Variants in WWC1 observed in about 807,000 individuals in gnomAD.
WWC1 encodes WW and C2 domain containing 1, also known as protein KIBRA.
Under a neutral mutation model 138.4 loss-of-function variants are expected in WWC1, and 55 were observed. The ratio of observed to expected loss-of-function variants is 0.40; its 90% CI spans 0.32 to 0.50. WWC1 has a LOEUF of 0.50. WWC1 is among the 20% of genes least tolerant of loss of function. The pLI is 0.72. For synonymous variants in WWC1, 524 were observed against 564.9 expected (o/e 0.93, Z 1.03); for missense variants, 1,226 against 1,420.4 (o/e 0.86, Z 2.20).
intron 21 of WWC1, 191 bp from the exon 22 acceptor site, chr5:168,467,649 C>G (rs1329100295): frequency 8.7e-6 from 7 of 802,550 alleles, no homozygotes; most frequent in Non-Finnish European, 1.3e-5. Flanking sequence ...GTTTCCTGGC[C>G]CCAAAAATCT....
rs549157595 is a variant in WWC1, at chr5:168,331,401, C to T, written c.119+39130C>T. 4.6e-5 allele frequency among the ~76,000 whole-genome samples: 7 copies of T among 152,278 alleles called. No homozygotes were observed. In the South Asian group the frequency reaches 1.4e-3, roughly 32 times the overall value. On this transcript the variant is annotated intron_variant, in intron 1 of 22. Transcript: ENST00000265293. ...GAAATAGCTGCTTCTCCAGGACCAC[C>T]CTTTGAAAGCTTGTGTTCACTGCAG...
chr5:168,363,143 T>G (rs1215740475), intron 1 of WWC1, among the ~76,000 whole-genome samples: 1 of 152,166 alleles, frequency 6.6e-6, no homozygotes, highest in Non-Finnish European at 1.5e-5. Flanking sequence ...ATTCCAGGTA[T>G]AAATGCCTCC....
chr5:168,335,731 G>A (rs891109557), intron 1 of WWC1, among the ~76,000 whole-genome samples: 2 of 152,338 alleles, frequency 1.3e-5, no homozygotes, highest in Non-Finnish European at 2.9e-5. Flanking sequence ...CTAGCAGCCA[G>A]CACTTGACTA....
intron 1 of WWC1, among the ~76,000 whole-genome samples, chr5:168,308,221 C>A (rs914120898): frequency 6.6e-6 from 1 of 152,190 alleles, no homozygotes; most frequent in Admixed American, 6.6e-5. Flanking sequence ...AGAAAGCCAT[C>A]CCTTCTTTGA....
At chr5:168,370,432 T>A (rs1044484070) in intron 1 of WWC1, among the ~76,000 whole-genome samples, 8 of 152,206 alleles carry the variant, frequency 5.3e-5, no homozygotes, top group Admixed American at 3.3e-4. Flanking sequence ...TCCCGTCCTG[T>A]CCCGTTGTAC....
intron 3 of WWC1, among the ~76,000 whole-genome samples, chr5:168,387,507 C>T (rs1188515428): frequency 2.0e-5 from 3 of 152,188 alleles, no homozygotes; most frequent in Non-Finnish European, 2.9e-5. Context: ...TCTTAGTCGA[C>T]TCGAGCTGCC....
At position 168,443,332 on chromosome 5, in the gene WWC1, G is replaced by GTCA. The variant is rs141012729; in HGVS notation, c.2434-1145_2434-1143dup. ...TCCCATCCCCACCTTCTTTTTCATC[G>GTCA]TCATCATCATCATCATCATTTTCTG... On this transcript the variant is annotated intron_variant, in intron 16 of 22. Coordinates refer to ENST00000265293, the MANE Select transcript of WWC1 (RefSeq NM_015238.3). Among the ~76,000 whole-genome samples the GTCA allele has an allele frequency of 1.9e-4, 29 of 151,030 alleles. 1 individual carries two copies. The highest frequency in any genetic ancestry group is 2.2e-4 in the Non-Finnish European group (15 of 67,804).
At position 168,430,332 on chromosome 5, in the gene WWC1, C is replaced by T. The variant is rs1781842436; in HGVS notation, c.2087+109C>T. On this transcript the variant is annotated intron_variant, in intron 14 of 22. Transcript: ENST00000265293. ...TCCAGTTATGGGCCTTGTCAAGGCA[C>T]TGTGGGTTTGTACTGCATATGACTG... The T allele has an allele frequency of 3.5e-6, 3 of 864,668 alleles. No homozygotes were observed. The South Asian group carries it at 4.9e-5, about 14-fold the overall frequency. The allele number at this position is 864,668 out of a possible 1,614,324, so 53.6% of individuals were successfully genotyped here.
chr5:168,389,966 C>A (rs1778357667), intron 3 of WWC1, among the ~76,000 whole-genome samples: 1 of 152,158 alleles, frequency 6.6e-6, no homozygotes, highest in Non-Finnish European at 1.5e-5. Flanking sequence ...AGGTAAGACA[C>A]TTGGTACTGT....
At chr5:168,362,025 G>A (rs958051074) in intron 1 of WWC1, among the ~76,000 whole-genome samples, 2 of 152,214 alleles carry the variant, frequency 1.3e-5, no homozygotes, top group Admixed American at 1.3e-4. Flanking sequence ...AGAGGTTGCA[G>A]TGAGCCTAGA....
intron 1 of WWC1, among the ~76,000 whole-genome samples, chr5:168,355,541 G>A (rs1219395769): frequency 6.7e-6 from 1 of 149,240 alleles, no homozygotes; most frequent in East Asian, 2.0e-4. Context: ...CTGAGAGCCA[G>A]CCATGCAAAA....
chr5:168,446,671 C>T (rs199926106), intron 17 of WWC1, among the ~76,000 whole-genome samples: 1 of 152,188 alleles, frequency 6.6e-6, no homozygotes, highest in East Asian at 1.9e-4. Context: ...GCAAGTCGCT[C>T]TAACCTTGTC....
chr5:168,357,786 CA>C lies in WWC1; in HGVS notation c.120-13637del, dbSNP rs1463059119. ...GGTAGGGCTTCCCTTCAGGGAATAA[CA>C]TTCTATTTATTTTCTTCTTTAAAAA... On this transcript the variant is annotated intron_variant, in intron 1 of 22. Transcript: ENST00000265293. Among the ~76,000 whole-genome samples the C allele has an allele frequency of 6.6e-5, 10 of 152,224 alleles. No individual in the cohort carries two copies. The South Asian group carries it at 2.1e-3, about 32-fold the overall frequency.
chr5:168,366,373 T>C (rs1455049359), intron 1 of WWC1, among the ~76,000 whole-genome samples: 1 of 152,192 alleles, frequency 6.6e-6, no homozygotes, highest in South Asian at 2.1e-4. Flanking sequence ...TTGTTTCCCA[T>C]GGAAGAGCTC....
chr5:168,361,006 A>C (rs556936063), intron 1 of WWC1, among the ~76,000 whole-genome samples: 26 of 152,210 alleles, frequency 1.7e-4, no homozygotes, highest in Non-Finnish European at 3.5e-4. Context: ...GAGTGTCCCC[A>C]GAGTCCTAAA....
intron 8 of WWC1, among the ~76,000 whole-genome samples, chr5:168,410,747 A>G (rs1401863007): frequency 6.6e-6 from 1 of 151,972 alleles, no homozygotes; most frequent in Non-Finnish European, 1.5e-5. Flanking sequence ...GCATCTTCTC[A>G]TTTAATTTTA....
At chr5:168,331,181 A>C (rs1008466890) in intron 1 of WWC1, among the ~76,000 whole-genome samples, 2 of 152,188 alleles carry the variant, frequency 1.3e-5, no homozygotes, top group African/African-American at 4.8e-5. Flanking sequence ...GACACTGACA[A>C]GTCTAAGGTA....
chr5:168,417,652 T>C (rs1780763095), intron 9 of WWC1, among the ~76,000 whole-genome samples: 1 of 152,234 alleles, frequency 6.6e-6, no homozygotes, highest in African/African-American at 2.4e-5. Flanking sequence ...AAAGGTCTGC[T>C]GGCTCCTCAG....
intron 2 of WWC1, among the ~76,000 whole-genome samples, chr5:168,376,864 A>G (rs1777215602): frequency 6.6e-6 from 1 of 152,250 alleles, no homozygotes; most frequent in African/African-American, 2.4e-5. Flanking sequence ...GCATAAAGCA[A>G]TCTGCAGATT....
Sources: allele counts gnomAD v4.1 joint callset (sites outside exome capture counted in the v4.1 genomes callset), GRCh38; gene constraint gnomAD v4.1.1; transcripts MANE v1.5; gene names NCBI Gene and HGNC (gene_info 2026-07-23, HGNC 2026-07-21).